CHODL: variants seen among roughly 807,000 people sequenced by gnomAD.
CHODL encodes the protein chondrolectin, also known as transmembrane protein MT75.
In CHODL, 29 loss-of-function variants were observed where a neutral mutation model predicts 34.5. That is an observed-to-expected ratio of 0.84 (90% CI 0.63 to 1.15). The LOEUF is 1.15. Among genes scored for constraint, CHODL ranks in the 50% most tolerant of loss-of-function variants. The pLI, the probability that CHODL is intolerant of heterozygous loss-of-function variation, is 0.00. For missense variants in CHODL, 332 were observed against 332.5 expected (o/e 1.00, Z 0.01); for synonymous variants, 125 against 116.1 (o/e 1.08, Z -0.49).
intron 1 of CHODL, chr21:18,245,875 G>C (rs2074134619): frequency 6.5e-7 from 1 of 1,532,266 alleles, no homozygotes; most frequent in East Asian, 2.4e-5. Context: ...CCTTTCCTTT[G>C]CACACTGCGT....
intron 1 of CHODL, among the ~76,000 whole-genome samples, chr21:18,252,392 G>A (rs1187104088): frequency 6.6e-6 from 1 of 152,102 alleles, no homozygotes; most frequent in Non-Finnish European, 1.5e-5. Flanking sequence ...TAGGAAAATT[G>A]GCTTTTACAG....
At chr21:18,257,271 T>C in intron 3 of CHODL, 144 bp downstream of exon 3, 1 of 709,576 alleles carries the variant, frequency 1.4e-6, no homozygotes, top group Non-Finnish European at 2.3e-6. Context: ...ATATCACTCG[T>C]GTAATGAAGC....
chr21:17,987,444 T>G (rs1331180347), intron 1 of CHODL, among the ~76,000 whole-genome samples: 1 of 152,206 alleles, frequency 6.6e-6, no homozygotes, highest in Non-Finnish European at 1.5e-5. Flanking sequence ...TTTGGCATCA[T>G]TAGTGATGTG....
intron 2 of CHODL, among the ~76,000 whole-genome samples, chr21:18,107,898 A>AGTGGAGAAAACTTTCAATAAGCAT (rs2065293328): frequency 6.6e-6 from 1 of 152,246 alleles, no homozygotes; most frequent in Admixed American, 6.5e-5. Context: ...GAAGGTTCCT[A>AGTGGAGAAAACTTTCAATAAGCAT]GTGGAGAAAA....
At chr21:17,990,433 C>T (rs1241124709) in intron 1 of CHODL, among the ~76,000 whole-genome samples, 1 of 152,004 alleles carries the variant, frequency 6.6e-6, no homozygotes, top group East Asian at 1.9e-4. Context: ...TTATATCGTT[C>T]TTTCCTGTAT....
At chr21:18,153,482 G>T (rs1031118881) in intron 2 of CHODL, among the ~76,000 whole-genome samples, 1 of 152,046 alleles carries the variant, frequency 6.6e-6, no homozygotes, top group Non-Finnish European at 1.5e-5. Context: ...TTTTTGCCTC[G>T]TAACTTCTCT....
intron 2 of CHODL, among the ~76,000 whole-genome samples, chr21:18,088,335 C>G (rs2065032279): frequency 6.6e-6 from 1 of 152,130 alleles, no homozygotes; most frequent in Non-Finnish European, 1.5e-5. Flanking sequence ...CTCACTCTCC[C>G]TCGTTGGAGC....
chr21:18,145,163 G>A (rs1601065094), intron 2 of CHODL, among the ~76,000 whole-genome samples: 2 of 151,312 alleles, frequency 1.3e-5, no homozygotes, highest in South Asian at 2.1e-4. Context: ...TGGGCCGGGC[G>A]CGGTGGCTCA....
intron 1 of CHODL, chr21:18,245,814 C>A: frequency 9.2e-7 from 1 of 1,090,032 alleles, no homozygotes; most frequent in Non-Finnish European, 1.3e-6. Context: ...GGTCTTTGTT[C>A]TCAGCAGGAC....
intron 2 of CHODL, among the ~76,000 whole-genome samples, chr21:18,058,519 A>T (rs1021765977): frequency 4.6e-5 from 7 of 152,152 alleles, no homozygotes; most frequent in African/African-American, 1.2e-4. Flanking sequence ...AAAATAATGA[A>T]ATCCTGTCAT....
chr21:18,194,383 C>T (rs767179529), intron 2 of CHODL, among the ~76,000 whole-genome samples: 7 of 152,182 alleles, frequency 4.6e-5, no homozygotes, highest in Non-Finnish European at 7.3e-5. Context: ...GCTTCAGCCC[C>T]CTTGCCCTTT....
intron 2 of CHODL, among the ~76,000 whole-genome samples, chr21:18,053,193 A>G (rs2146471918): frequency 6.6e-6 from 1 of 152,090 alleles, no homozygotes; most frequent in East Asian, 1.9e-4. Flanking sequence ...AAAGAGAATA[A>G]AGACTATTAT....
At chr21:18,187,163 T>G (rs1443839620) in intron 2 of CHODL, among the ~76,000 whole-genome samples, 1 of 152,204 alleles carries the variant, frequency 6.6e-6, no homozygotes, top group East Asian at 1.9e-4. Context: ...GTATTCAGAA[T>G]TTTTAAATGA....
chr21:18,060,957 G>A (rs1457547288), intron 2 of CHODL, among the ~76,000 whole-genome samples: 1 of 152,188 alleles, frequency 6.6e-6, no homozygotes, highest in Non-Finnish European at 1.5e-5. Flanking sequence ...TCCGAAGCTC[G>A]GTGTCAGGTT....
chr21:17,969,774 A>G (rs1281968341), intron 1 of CHODL, among the ~76,000 whole-genome samples: 1 of 152,210 alleles, frequency 6.6e-6, no homozygotes, highest in Non-Finnish European at 1.5e-5. Flanking sequence ...TTACTATGAT[A>G]TTAAATATAG....
At chr21:18,067,851 G>T (rs2064749853) in intron 2 of CHODL, among the ~76,000 whole-genome samples, 1 of 152,072 alleles carries the variant, frequency 6.6e-6, no homozygotes, top group Non-Finnish European at 1.5e-5. Context: ...CAACAGTCTA[G>T]CCAGAAAGGT....
intron 1 of CHODL, among the ~76,000 whole-genome samples, chr21:17,955,742 G>T (rs11909593): frequency 1.5e-5 from 2 of 136,608 alleles, no homozygotes; most frequent in African/African-American, 5.0e-5. Flanking sequence ...TTGCTTTTTT[G>T]GGAATAGACT....
chr21:18,093,442 G>C (rs1424975450), intron 2 of CHODL, among the ~76,000 whole-genome samples: 1 of 152,036 alleles, frequency 6.6e-6, no homozygotes, highest in African/African-American at 2.4e-5. Flanking sequence ...CCACAGAATA[G>C]TATAATACTG....
intron 2 of CHODL, among the ~76,000 whole-genome samples, chr21:18,137,243 C>A (rs112199800): frequency 4.5e-4 from 69 of 152,260 alleles, no homozygotes; most frequent in African/African-American, 1.7e-3. Context: ...ATTTACTCAC[C>A]TTCCTATCAT....
Sources: allele counts gnomAD v4.1 joint callset (sites outside exome capture counted in the v4.1 genomes callset), GRCh38; gene constraint gnomAD v4.1.1; transcripts MANE v1.5; gene names NCBI Gene and HGNC (gene_info 2026-07-23, HGNC 2026-07-21).